The following NEK2 variants were observed in gnomAD, a reference collection of about 807,000 sequenced individuals.
NEK2 encodes serine/threonine-protein kinase Nek2.
Under a neutral mutation model 54.1 loss-of-function variants are expected in NEK2, and 28 were observed. The observed-to-expected ratio is 0.52, with a 90% CI of 0.38 to 0.71. The LOEUF (loss-of-function observed/expected upper bound fraction) is 0.71. Ranked by LOEUF, NEK2 falls within the 30% of genes least tolerant of loss-of-function variation. The pLI is 0.00. For missense variants in NEK2, 407 were observed against 531.5 expected, an observed-to-expected ratio of 0.77 and a Z score of 2.30; for synonymous variants, 176 against 193.1, an observed-to-expected ratio of 0.91 and a Z score of 0.73.
chr1:211,669,977 C>T lies in NEK2; in HGVS notation c.765+304G>A, dbSNP rs1253524987. 2.6e-5 allele frequency among the ~76,000 whole-genome samples: 4 copies of T among 152,328 alleles called. No homozygotes were observed. In the East Asian group the frequency reaches 5.8e-4, roughly 22 times the overall value. ...TGGCCCCTTCCCTCACTACCTGCCA[C>T]TGTGAGGTAGGCAAGGACAAGGGGA... On this transcript the variant is annotated intron_variant, in intron 5 of 7. Transcript: ENST00000366999.
downstream of NEK2, chr1:211,658,728 A>AAAAAAAAAAAAAAAAAAAAAAAAAAG: frequency 4.4e-6 from 1 of 228,986 alleles, no homozygotes; most frequent in Non-Finnish European, 8.1e-6. Flanking sequence ...TCAAAAAAAA[A>AAAAAAAAAAAAAAAAAAAAAAAAAAG]AAAAAAAAAA....
At chr1:211,670,053 T>C (rs1655321314) in intron 5 of NEK2, among the ~76,000 whole-genome samples, 1 of 152,186 alleles carries the variant, frequency 6.6e-6, no homozygotes, top group Non-Finnish European at 1.5e-5. Context: ...GACCATCTGT[T>C]AGCATGACAG....
chr1:211,665,173 T>C (rs1401925416), intron 7 of NEK2, among the ~76,000 whole-genome samples: 2 of 152,212 alleles, frequency 1.3e-5, no homozygotes, highest in Non-Finnish European at 2.9e-5. Context: ...CACGTGTGGA[T>C]TTTATAGCCC....
intron 7 of NEK2, 58 bp downstream of exon 7, chr1:211,667,048 T>G: frequency 6.2e-7 from 1 of 1,610,862 alleles, no homozygotes. Flanking sequence ...GGAGCAACAC[T>G]GGTGCACATT....
At chr1:211,671,794 C>T (rs1185783246) in intron 3 of NEK2, among the ~76,000 whole-genome samples, 2 of 152,214 alleles carry the variant, frequency 1.3e-5, no homozygotes, top group Non-Finnish European at 2.9e-5. Flanking sequence ...CCTACCAGAG[C>T]TCCTATTCTC....
rs972966661 is a variant in NEK2 at position 211,663,165 on chromosome 1, T to G, written c.*261A>C. ...ATGTCACATCTCATGTTCCTACTAG[T>G]AATCACACACAGGATTAAAAGCCCA... On this transcript the variant is annotated 3_prime_UTR_variant, in exon 8 of 8. Coordinates refer to ENST00000366999, the MANE Select transcript of NEK2 (RefSeq NM_002497.4). The G allele has an allele frequency of 1.4e-5, 17 of 1,234,034 alleles. No homozygotes were observed. In the Admixed American group the frequency reaches 4.6e-4, roughly 34 times the overall value. 76.4% of individuals were successfully genotyped at this position (1,234,034 alleles called of 1,614,324 possible).
At chr1:211,666,627 C>T (rs900744776) in intron 7 of NEK2, 18 of 312,402 alleles carry the variant, frequency 5.8e-5, no homozygotes, top group African/African-American at 1.1e-4. Flanking sequence ...GGTGAAACCC[C>T]GTCTCTACTA....
chr1:211,660,328 A>G, downstream of NEK2: 1 of 496,940 alleles, frequency 2.0e-6, no homozygotes, highest in Non-Finnish European at 3.9e-6. Flanking sequence ...CACGGCCAGC[A>G]GATCTAGCTC....
At chr1:211,661,133 A>T, downstream of NEK2, 1 of 746,006 alleles carries the variant, frequency 1.3e-6, no homozygotes, top group African/African-American at 1.7e-5. Context: ...GGGCGATAGC[A>T]TCTCCTGTCT....
At chr1:211,659,186 T>A (rs139921394), downstream of NEK2, among the ~76,000 whole-genome samples, 532 of 149,382 alleles carry the variant, frequency 3.6e-3, 20 homozygotes, top group East Asian at 0.09. Flanking sequence ...TAAAAAAGAA[T>A]GCCAACAATT....
At chr1:211,661,076 T>A (rs113989692), downstream of NEK2, 9 of 742,980 alleles carry the variant, frequency 1.2e-5, 1 homozygote, top group African/African-American at 1.0e-4. Flanking sequence ...CAAACCCCGG[T>A]GATAACTTGC....
rs548584464 is a variant in NEK2 at position 211,664,365 on chromosome 1, C to T, written c.1112-713G>A. On this transcript the variant is annotated intron_variant, in intron 7 of 7. Transcript: ENST00000366999. ...TTTTTTGTGTTAAAGGAAATATGTTCGAATATTTACTGAGCTCATAGGATG... is the reference window on the plus strand; with the variant it reads ...TTTTTTGTGTTAAAGGAAATATGTTTGAATATTTACTGAGCTCATAGGATG... Among the ~76,000 whole-genome samples, 13 of 152,038 alleles carry T rather than the reference C, an allele frequency of 8.6e-5. No homozygotes were observed. The South Asian group carries it at 1.2e-3, about 15-fold the overall frequency.
At chr1:211,658,334 T>C (rs1202857841), downstream of NEK2, among the ~76,000 whole-genome samples, 1 of 152,108 alleles carries the variant, frequency 6.6e-6, no homozygotes, top group Non-Finnish European at 1.5e-5. Context: ...GGGAATTTAT[T>C]TGAGAAACAT....
chr1:211,666,915 A>G (rs1655199056), intron 7 of NEK2, 191 bp downstream of exon 7: 5 of 1,390,230 alleles, frequency 3.6e-6, no homozygotes, highest in Non-Finnish European at 3.7e-6. Context: ...CCTCAGGTCT[A>G]TGAACCCAGG....
At chr1:211,664,462 G>A (rs1237491249) in intron 7 of NEK2, among the ~76,000 whole-genome samples, 1 of 152,164 alleles carries the variant, frequency 6.6e-6, no homozygotes, top group Non-Finnish European at 1.5e-5. Context: ...AACAAGTACT[G>A]GTGGGGAATA....
At chr1:211,668,422 CAATGTT>C (rs894196885) in intron 6 of NEK2, among the ~76,000 whole-genome samples, 5 of 152,134 alleles carry the variant, frequency 3.3e-5, no homozygotes, top group Admixed American at 2.0e-4. Flanking sequence ...ACTCATAAGT[CAATGTT>C]AATACCCACC....
chr1:211,664,053 TC>T (rs1460515358), intron 7 of NEK2, among the ~76,000 whole-genome samples: 5 of 142,930 alleles, frequency 3.5e-5, no homozygotes, highest in South Asian at 2.2e-4. Flanking sequence ...GAGGTTTTTT[TC>T]TGTCTTTGTT....
chr1:211,674,235 A>T, intron 2 of NEK2, 61 bp downstream of exon 2: 1 of 1,361,696 alleles, frequency 7.3e-7, no homozygotes, highest in Non-Finnish European at 1.0e-6. Context: ...CTAAAACAAG[A>T]TGCTTAAAAT....
intron 6 of NEK2, among the ~76,000 whole-genome samples, chr1:211,668,635 T>A (rs776732913): frequency 5.3e-5 from 8 of 150,762 alleles, no homozygotes; most frequent in Non-Finnish European, 1.2e-4. Context: ...AATAAAAAGT[T>A]AAAAAAAAAG....
Sources: allele counts gnomAD v4.1 joint callset (sites outside exome capture counted in the v4.1 genomes callset), GRCh38; gene constraint gnomAD v4.1.1; transcripts MANE v1.5; gene names NCBI Gene and HGNC (gene_info 2026-07-23, HGNC 2026-07-21).